Variants in SCRG1 observed in about 807,000 individuals in gnomAD.
SCRG1 encodes the protein scrapie-responsive protein 1.
Under a neutral mutation model 7.7 loss-of-function variants are expected in SCRG1, and 3 were observed. The ratio of observed to expected loss-of-function variants is 0.39; its 90% CI spans 0.18 to 1.01. The LOEUF is 1.01. Ranked by LOEUF, SCRG1 falls within the 50% of genes least tolerant of loss-of-function variation. The pLI is 0.36. For synonymous variants in SCRG1, 46 were observed against 41.2 expected (o/e 1.12, Z -0.44); for missense variants, 110 against 117.2 (o/e 0.94, Z 0.28).
At chr4:173,478,761 C>A in the SCRG1 span, among the ~76,000 whole-genome samples, 1 of 152,072 alleles carries the variant, frequency 6.6e-6, no homozygotes, top group Non-Finnish European at 1.5e-5. Context: ...CTTGCAGAAG[C>A]CACTGTGGAA....
the SCRG1 span, among the ~76,000 whole-genome samples, chr4:173,429,673 T>C: frequency 3.3e-5 from 5 of 152,162 alleles, no homozygotes; most frequent in Non-Finnish European, 7.3e-5. Flanking sequence ...GTATTGTCGA[T>C]TGAGACAGGC....
the SCRG1 span, among the ~76,000 whole-genome samples, chr4:173,431,018 A>G: frequency 1.3e-5 from 2 of 152,200 alleles, no homozygotes; most frequent in African/African-American, 4.8e-5. Flanking sequence ...CCTAGTGGGT[A>G]CAATGTTCAT....
chr4:173,495,261 A>G, the SCRG1 span, among the ~76,000 whole-genome samples: 1 of 152,372 alleles, frequency 6.6e-6, no homozygotes, highest in Admixed American at 6.5e-5. Context: ...ATTTGCACTG[A>G]GTTTGTATTT....
the SCRG1 span, among the ~76,000 whole-genome samples, chr4:173,414,294 C>T: frequency 3.3e-5 from 5 of 152,216 alleles, no homozygotes; most frequent in African/African-American, 1.2e-4. Flanking sequence ...AAGTCATCTC[C>T]TCACCAGTTT....
chr4:173,507,785 G>C, the SCRG1 span, among the ~76,000 whole-genome samples: 3 of 152,200 alleles, frequency 2.0e-5, no homozygotes, highest in Non-Finnish European at 4.4e-5. This position sits in a 1 kb window ranked among gnomAD's most constrained non-coding sequence, Gnocchi z 4.4. Context: ...GGGAGGGCTG[G>C]CTGGGTGCAT....
At chr4:173,400,915 G>T (rs192793008), upstream of SCRG1, among the ~76,000 whole-genome samples, 32 of 152,306 alleles carry the variant, frequency 2.1e-4, no homozygotes, top group East Asian at 1.7e-3. Flanking sequence ...CAAGGAATGG[G>T]CAGAGAACTG....
chr4:173,450,430 C>G, the SCRG1 span, among the ~76,000 whole-genome samples: 22 of 152,278 alleles, frequency 1.4e-4, no homozygotes, highest in South Asian at 3.9e-3. Flanking sequence ...CGTTCCTGAG[C>G]CACTGCAAAT....
chr4:173,442,617 T>C, the SCRG1 span, among the ~76,000 whole-genome samples: 3 of 152,186 alleles, frequency 2.0e-5, no homozygotes, highest in African/African-American at 7.2e-5. Flanking sequence ...GATGCTATAA[T>C]AGAACACCAC....
At chr4:173,510,442 A>G in the SCRG1 span, among the ~76,000 whole-genome samples, 1 of 107,666 alleles carries the variant, frequency 9.3e-6, no homozygotes. The surrounding 1 kb of genome is among the most constrained non-coding windows in gnomAD (Gnocchi z 5.7). Context: ...ATATATATAT[A>G]TATAAATTAA....
At chr4:173,496,564 T>G in the SCRG1 span, among the ~76,000 whole-genome samples, 2 of 152,162 alleles carry the variant, frequency 1.3e-5, no homozygotes, top group East Asian at 3.8e-4. Context: ...GATCTACTGC[T>G]CCAAGAACAG....
At chr4:173,404,181 C>A (rs1739839111) in exon 3 of SCRG1, 1 of 152,164 alleles carries the variant, frequency 6.6e-6, no homozygotes, top group African/African-American at 2.4e-5. Flanking sequence ...CAAGACAAAA[C>A]TGTGCTCTTA....
intron 1 of SCRG1, among the ~76,000 whole-genome samples, chr4:173,392,816 C>T (rs57194400): frequency 0.39 from 59,409 of 152,068 alleles, 13,404 homozygotes; most frequent in East Asian, 0.55. Context: ...AATAGCCAGA[C>T]GTGGTGGCTC....
chr4:173,477,453 T>C, the SCRG1 span, among the ~76,000 whole-genome samples: 1 of 152,140 alleles, frequency 6.6e-6, no homozygotes, highest in Non-Finnish European at 1.5e-5. Flanking sequence ...TGTTTTGGGG[T>C]TGGGGGTGCA....
chr4:173,511,128 G>A, the SCRG1 span, among the ~76,000 whole-genome samples: 5 of 152,080 alleles, frequency 3.3e-5, no homozygotes, highest in Non-Finnish European at 7.4e-5. The surrounding 1 kb of genome is among the most constrained non-coding windows in gnomAD (Gnocchi z 5.2). Context: ...CACCACGCCC[G>A]GCTAATTTTT....
the SCRG1 span, among the ~76,000 whole-genome samples, chr4:173,493,085 C>T: frequency 2.6e-5 from 4 of 152,168 alleles, no homozygotes; most frequent in African/African-American, 7.2e-5. Context: ...AACCGAGAGC[C>T]GTGTTGTTGT....
At chr4:173,477,352 A>G in the SCRG1 span, among the ~76,000 whole-genome samples, 1 of 152,126 alleles carries the variant, frequency 6.6e-6, no homozygotes. Flanking sequence ...AAAGAGAACA[A>G]ATATCCATTG....
chr4:173,483,354 T>G, the SCRG1 span, among the ~76,000 whole-genome samples: 16 of 31,692 alleles, frequency 5.0e-4, no homozygotes, highest in African/African-American at 1.6e-3. Context: ...TATGATATAT[T>G]ATATATTATA....
chr4:173,511,854 G>A, the SCRG1 span, among the ~76,000 whole-genome samples: 2 of 152,182 alleles, frequency 1.3e-5, no homozygotes, highest in Non-Finnish European at 2.9e-5. The surrounding 1 kb of genome is among the most constrained non-coding windows in gnomAD (Gnocchi z 5.2). Context: ...TTCTAAGGGT[G>A]CCCTCCCTCT....
chr4:173,403,768 C>CTGGT (rs2126923604), upstream of SCRG1, among the ~76,000 whole-genome samples: 1 of 152,296 alleles, frequency 6.6e-6, no homozygotes, highest in South Asian at 2.1e-4. Flanking sequence ...GGGCATTGGA[C>CTGGT]TGGTCCATGG....
Sources: gnomAD v4.1 joint callset for allele counts (sites outside exome capture counted in the v4.1 genomes callset) on GRCh38, gnomAD v4.1.1 for gene constraint, Gnocchi (gnomAD v3.1) non-coding constraint, MANE v1.5 for transcripts, NCBI Gene and HGNC (gene_info 2026-07-23, HGNC 2026-07-21) for gene names.